PHKA1: variants seen among roughly 807,000 people sequenced by gnomAD.
The protein encoded by PHKA1 is phosphorylase kinase regulatory subunit alpha 1.
Under a neutral mutation model 110.2 loss-of-function variants are expected in PHKA1, and 60 were observed. That is an observed-to-expected ratio of 0.54 (90% CI 0.44 to 0.68). The LOEUF (loss-of-function observed/expected upper bound fraction) is 0.68, where lower values mean the gene tolerates loss of function less well. Ranked by LOEUF, PHKA1 falls within the 30% of genes least tolerant of loss-of-function variation. The probability of loss-of-function intolerance (pLI) is 0.00; values close to 1 mark genes in which losing one functional copy is unlikely to be tolerated. For synonymous variants in PHKA1, 316 were observed against 333.6 expected (o/e 0.95, Z 0.58); for missense variants, 801 against 942.5 (o/e 0.85, Z 1.97).
rs782112680 is a variant in PHKA1, at chrX:72,636,196, C to T, written c.1569+81G>A. On this transcript the variant is annotated intron_variant, in intron 15 of 31. Transcript: ENST00000373542. The stretch of plus-strand genomic sequence containing the variant: ...TGGAACTCTTTGACACTTATCCCAA[C>T]TCCAGTAAATGCTTTATTTCTCCAA... 9.9e-6 allele frequency: 6 copies of T among 607,977 alleles called. No individual in the cohort carries two copies. The East Asian group carries it at 1.7e-4, about 17-fold the overall frequency. 50.1% of individuals were successfully genotyped at this position (607,977 alleles called of 1,213,427 possible).
chrX:72,623,772 G>A (rs373776573), intron 17 of PHKA1, among the ~76,000 whole-genome samples: 5 of 111,635 alleles, frequency 4.5e-5, no homozygotes, highest in East Asian at 2.8e-4. Context: ...AGCAAAGTCA[G>A]CATTACCAAA....
rs782521123 is a variant in PHKA1, at chrX:72,628,202, T to C, written c.1715-1153A>G. On this transcript the variant is annotated intron_variant, in intron 16 of 31. Transcript: ENST00000373542. ...TAATCTGATAGGTAAAACAAGAAGA[T>C]ATTGTTTTAATTTTATTGCCAATAA... is the stretch of plus-strand genomic sequence containing the variant. Among the ~76,000 whole-genome samples, 16 of 111,034 alleles carry C rather than the reference T, an allele frequency of 1.4e-4. 1 individual carries two copies. In the South Asian group the frequency reaches 6.0e-3, roughly 42 times the overall value.
chrX:72,696,808 A>T, intron 3 of PHKA1, among the ~76,000 whole-genome samples: 1 of 111,350 alleles, frequency 9.0e-6, no homozygotes, highest in South Asian at 3.9e-4. Context: ...ACATTTTGGT[A>T]ACCTCAAGGT....
chrX:72,669,347 C>CT (rs201527791), intron 6 of PHKA1, among the ~76,000 whole-genome samples: 11 of 109,586 alleles, frequency 1.0e-4, no homozygotes, highest in Admixed American at 2.9e-4. Flanking sequence ...AGCTGTTTTT[C>CT]TTTTTTTTTG....
chrX:72,666,152 T>C lies in PHKA1; in HGVS notation c.863A>G (p.Gln288Arg). 8.3e-7 allele frequency: 1 copy of C among 1,210,228 alleles called. No individual in the cohort carries two copies. Among genetic ancestry groups the C allele is most frequent in the Non-Finnish European group, 1.1e-6 (1 of 894,462 alleles). ...AAACAAAGGTACATAGGGACATACC[T>C]GAAGCTTGGTGATGATTTCCTGTTT... ...LTKQEIITKL[Q>R]GRYGCCRFLR... is the part of the protein sequence containing the mutation. The change falls in exon 8 of 32, where the codon CAG becomes CGG. Residue 288 changes from glutamine to arginine, a missense_variant and splice_region_variant. By Grantham distance (43) the Gln-to-Arg change is conservative (BLOSUM62 1). Around this residue, in one of 2 missense-constraint regions of PHKA1, gnomAD observed 299 missense variants for 423.3 expected, o/e 0.71. Transcript: ENST00000373542.
chrX:72,593,324 A>G (rs781836455), intron 28 of PHKA1, 50 bp from the exon 29 acceptor site: 2 of 974,226 alleles, frequency 2.1e-6, no homozygotes, highest in Non-Finnish European at 2.9e-6. Flanking sequence ...CTCTGTTTCT[A>G]TGATGAAGTC....
intron 29 of PHKA1, 60 bp from the exon 30 acceptor site, chrX:72,584,362 A>C: frequency 1.7e-5 from 17 of 995,729 alleles, no homozygotes; most frequent in East Asian, 3.0e-5. Context: ...TAGACAAACA[A>C]CGGGGAGGCT....
rs782058794 is a variant in PHKA1 at position 72,588,741 on chromosome X, G to T, written c.3243+4363C>A. Among the ~76,000 whole-genome samples, 10 of 111,035 alleles carry T rather than the reference G, an allele frequency of 9.0e-5. No homozygotes were observed. The East Asian group carries it at 2.3e-3, about 25-fold the overall frequency. On this transcript the variant is annotated intron_variant, in intron 29 of 31. Coordinates refer to ENST00000373542, the MANE Select transcript of PHKA1 (RefSeq NM_002637.4). Reference sequence around the variant, plus strand: ...ATAGACACAATAAAAAATGATAAAGGGGATATCACCACCAATCCCACAGAA... The same window carrying T: ...ATAGACACAATAAAAAATGATAAAGTGGATATCACCACCAATCCCACAGAA...
chrX:72,643,113 T>A (rs1454667925), intron 14 of PHKA1, among the ~76,000 whole-genome samples: 1 of 110,658 alleles, frequency 9.0e-6, no homozygotes, highest in Non-Finnish European at 1.9e-5. Flanking sequence ...CCCTCTCAAT[T>A]TAGACAAAGA....
At position 72,664,245 on chromosome X, in the gene PHKA1, C is replaced by A. The variant is rs782154131; in HGVS notation, c.864+1906G>T. 8.1e-5 allele frequency among the ~76,000 whole-genome samples: 9 copies of A among 110,692 alleles called. No individual in the cohort carries two copies. The South Asian group carries it at 3.4e-3, about 42-fold the overall frequency. On this transcript the variant is annotated intron_variant, in intron 8 of 31. Transcript: ENST00000373542. ...CTGGAAGGAATGGAAAAAGATGTTC[C>A]ATGCAAATACAAACCAAAAGCAAGC...
chrX:72,623,144 C>T lies in PHKA1; in HGVS notation c.1925G>A (p.Gly642Asp), dbSNP rs2053003387. The T allele has an allele frequency of 1.7e-6, 2 of 1,209,142 alleles. No individual in the cohort carries two copies. The highest frequency in any genetic ancestry group is 2.2e-5 in the Admixed American group (1 of 45,647). ...TGAATCATAATCATTCATCCAGTTGCCAGATTCCAGGTAATCATAGTTGTC... is the reference window on the plus strand; with the variant it reads ...TGAATCATAATCATTCATCCAGTTGTCAGATTCCAGGTAATCATAGTTGTC... ...YDDNYDYLESGNWMNDYDSTS... is the reference protein window; with the variant it reads ...YDDNYDYLESDNWMNDYDSTS... The change falls in exon 18 of 32, where the codon GGC becomes GAC. Residue 642 changes from glycine (G) to aspartate (D), a missense_variant. This residue lies in a region of PHKA1 where 502 missense variants were observed against 519.2 expected (regional missense o/e 0.97). Coordinates refer to ENST00000373542, the MANE Select transcript of PHKA1 (RefSeq NM_002637.4).
intron 21 of PHKA1, among the ~76,000 whole-genome samples, chrX:72,616,052 G>A (rs968855746): frequency 9.0e-6 from 1 of 111,599 alleles, no homozygotes; most frequent in Non-Finnish European, 1.9e-5. Context: ...GACAACAGAC[G>A]TAACTCTACT....
chrX:72,642,020 A>C (rs1472219910), intron 14 of PHKA1, among the ~76,000 whole-genome samples: 1 of 112,254 alleles, frequency 8.9e-6, no homozygotes, highest in Non-Finnish European at 1.9e-5. Flanking sequence ...ATAAGTGAGC[A>C]ATAAATGCTT....
chrX:72,670,221 G>C (rs1476314691), intron 6 of PHKA1, among the ~76,000 whole-genome samples: 2 of 110,780 alleles, frequency 1.8e-5, no homozygotes, highest in Non-Finnish European at 3.8e-5. Context: ...CTTTTTGATG[G>C]GGTTGTTTTT....
chrX:72,616,358 A>G (rs1160989940), intron 21 of PHKA1, among the ~76,000 whole-genome samples: 2 of 112,010 alleles, frequency 1.8e-5, no homozygotes, highest in African/African-American at 6.5e-5. Context: ...ACAGAGCAAG[A>G]CTGTCTTAAA....
At chrX:72,682,485 C>T (rs1342225168) in intron 5 of PHKA1, among the ~76,000 whole-genome samples, 2 of 108,532 alleles carry the variant, frequency 1.8e-5, no homozygotes, top group Non-Finnish European at 3.9e-5. Flanking sequence ...AATAGAAAGG[C>T]GGGAAAGGTG....
At chrX:72,626,273 T>C (rs782037549) in intron 17 of PHKA1, among the ~76,000 whole-genome samples, 8 of 109,267 alleles carry the variant, frequency 7.3e-5, no homozygotes, top group Non-Finnish European at 1.1e-4. Flanking sequence ...TGAGAAAGGG[T>C]ATATGGGTGT....
intron 29 of PHKA1, among the ~76,000 whole-genome samples, chrX:72,591,642 G>C: frequency 9.0e-6 from 1 of 111,338 alleles, no homozygotes. Context: ...CACACCAATA[G>C]TTTTAGAATT....
Position 72,652,605 on chromosome X carries a change from A to G in PHKA1, c.1184T>C (p.Met395Thr), listed in dbSNP as rs2053443813. 1 of 1,195,136 alleles carries G rather than the reference A, an allele frequency of 8.4e-7. No homozygotes were observed. The highest frequency in any genetic ancestry group is 1.1e-6 in the Non-Finnish European group (1 of 880,504). The change falls in exon 12 of 32, where the codon ATG becomes ACG. Residue 395 changes from methionine to threonine, a missense_variant. Around this residue, in one of 2 missense-constraint regions of PHKA1, gnomAD observed 299 missense variants for 423.3 expected, o/e 0.71. Coordinates refer to ENST00000373542, the MANE Select transcript of PHKA1 (RefSeq NM_002637.4). ...ACCCCACATGTGAGGCAATTTCCCC[A>G]TGGGGACTCGGTCCACAGTGTGAGG... The part of the protein sequence containing the change: ...QNPHTVDRVP[M>T]GKLPHMWGQS...
Sources: gnomAD v4.1 joint callset for allele counts (sites outside exome capture counted in the v4.1 genomes callset) on GRCh38, gnomAD v4.1.1 for gene constraint, gnomAD v4.1.1 regional missense constraint, MANE v1.5 for transcripts, NCBI Gene and HGNC (gene_info 2026-07-23, HGNC 2026-07-21) for gene names.